Variants in WDFY4 observed in about 807,000 individuals in gnomAD.
The protein encoded by WDFY4 is WDFY family member 4, also known as WD repeat- and FYVE domain-containing protein 4.
WDFY4 carries 169 observed loss-of-function variants against 351.9 expected under a neutral mutation model. The observed-to-expected ratio is 0.48, with a 90% CI of 0.42 to 0.55. The LOEUF (loss-of-function observed/expected upper bound fraction) is 0.55, where lower values mean the gene tolerates loss of function less well. WDFY4 is among the 20% of genes least tolerant of loss of function. The pLI is 0.00. For synonymous variants in WDFY4, 1,622 were observed against 1,574.6 expected (o/e 1.03, Z -0.71); for missense variants, 3,803 against 3,935.6 (o/e 0.97, Z 0.90).
intron 39 of WDFY4, among the ~76,000 whole-genome samples, chr10:48,848,434 C>A (rs2068850178): frequency 6.6e-6 from 1 of 152,224 alleles, no homozygotes; most frequent in Non-Finnish European, 1.5e-5. Context: ...TAGTAAAAGA[C>A]TGCATTGCAG....
chr10:48,831,147 T>C (rs1458067164), intron 38 of WDFY4, among the ~76,000 whole-genome samples: 3 of 152,206 alleles, frequency 2.0e-5, no homozygotes, highest in African/African-American at 7.2e-5. Flanking sequence ...AAGAGGCCCA[T>C]GTGGAGGCTG....
chr10:48,951,825 C>T (rs533910847), intron 51 of WDFY4, among the ~76,000 whole-genome samples: 48 of 152,150 alleles, frequency 3.2e-4, no homozygotes, highest in Non-Finnish European at 6.0e-4. Context: ...ACCAGTTGCT[C>T]TCAGGCCTGA....
intron 24 of WDFY4, among the ~76,000 whole-genome samples, chr10:48,799,886 T>C (rs558701812): frequency 1.4e-4 from 21 of 152,274 alleles, no homozygotes; most frequent in African/African-American, 4.6e-4. Context: ...TTTTGGGTTT[T>C]TGTTTTTTGT....
At chr10:48,893,775 C>T (rs529993937) in intron 44 of WDFY4, among the ~76,000 whole-genome samples, 1 of 152,324 alleles carries the variant, frequency 6.6e-6, no homozygotes, top group South Asian at 2.1e-4. Flanking sequence ...CTTCTACTAT[C>T]AAAGAACAGG....
At chr10:48,816,153 T>C (rs1020063684) in intron 31 of WDFY4, among the ~76,000 whole-genome samples, 1 of 152,186 alleles carries the variant, frequency 6.6e-6, no homozygotes, top group African/African-American at 2.4e-5. Context: ...GCACAAATGG[T>C]CTCCTTTAAC....
At chr10:48,752,836 A>T (rs768243006) in intron 12 of WDFY4, among the ~76,000 whole-genome samples, 1 of 152,236 alleles carries the variant, frequency 6.6e-6, no homozygotes, top group Non-Finnish European at 1.5e-5. Context: ...GCTGCTATGA[A>T]CATTCATGTT....
chr10:48,734,885 C>T (rs2064599318), intron 10 of WDFY4, among the ~76,000 whole-genome samples: 1 of 151,662 alleles, frequency 6.6e-6, no homozygotes, highest in Admixed American at 6.6e-5. Flanking sequence ...AGGCAATTTA[C>T]CTGCCTCAAC....
intron 24 of WDFY4, among the ~76,000 whole-genome samples, chr10:48,800,087 T>C (rs976139032): frequency 1.3e-5 from 2 of 152,138 alleles, no homozygotes; most frequent in African/African-American, 2.4e-5. Flanking sequence ...GGTTTCACCA[T>C]GTTGGTCAGG....
chr10:48,792,734 C>T (rs1017226591), intron 23 of WDFY4, among the ~76,000 whole-genome samples: 4 of 152,226 alleles, frequency 2.6e-5, no homozygotes, highest in South Asian at 2.1e-4. Flanking sequence ...AAAATGCAAT[C>T]GGTGTCCAAG....
intron 45 of WDFY4, 93 bp from the exon 46 acceptor site, chr10:48,900,128 A>C: frequency 9.3e-7 from 1 of 1,072,504 alleles, no homozygotes; most frequent in Non-Finnish European, 1.3e-6. Context: ...TGACACGGAG[A>C]CCCGCAATGA....
In WDFY4 at chr10:48,696,444, G is replaced by T. The variant is rs1047999351; in HGVS notation, c.-18+11443G>T. On this transcript the variant is annotated intron_variant, in intron 1 of 61. Transcript: ENST00000325239. ...GGTCTTGGAGGCAGCCCTCCTGCTC[G>T]TGTCTCCACATTGTGTCCTCGCCAG... 2.0e-5 allele frequency among the ~76,000 whole-genome samples: 3 copies of T among 152,350 alleles called. 1 individual carries two copies. In the South Asian group the frequency reaches 6.2e-4, roughly 32 times the overall value.
chr10:48,840,545 A>C (rs1358263049), intron 39 of WDFY4, among the ~76,000 whole-genome samples: 1 of 152,094 alleles, frequency 6.6e-6, no homozygotes, highest in Non-Finnish European at 1.5e-5. Context: ...ACACATAGAC[A>C]CATCCCATTG....
intron 39 of WDFY4, among the ~76,000 whole-genome samples, chr10:48,842,747 T>C (rs2068651499): frequency 6.6e-6 from 1 of 152,224 alleles, no homozygotes; most frequent in Non-Finnish European, 1.5e-5. Context: ...AAGTGCAAAG[T>C]CCACACACTT....
At chr10:48,804,132 CAGGGGCT>C (rs1167492868) in intron 25 of WDFY4, among the ~76,000 whole-genome samples, 4 of 152,186 alleles carry the variant, frequency 2.6e-5, no homozygotes, top group African/African-American at 9.7e-5. Flanking sequence ...CAAAGGGAGC[CAGGGGCT>C]GTGTTCAGAA....
intron 4 of WDFY4, among the ~76,000 whole-genome samples, chr10:48,723,001 G>A (rs933911553): frequency 2.0e-5 from 3 of 152,062 alleles, no homozygotes; most frequent in African/African-American, 7.2e-5. Context: ...CACCATTGTT[G>A]CTCACACACA....
intron 23 of WDFY4, among the ~76,000 whole-genome samples, chr10:48,794,021 G>T (rs1422379103): frequency 1.3e-5 from 2 of 152,122 alleles, no homozygotes; most frequent in Non-Finnish European, 2.9e-5. Context: ...CCAGGAGCTG[G>T]TCTGGGTTCC....
intron 21 of WDFY4, among the ~76,000 whole-genome samples, chr10:48,788,984 T>C (rs765369794): frequency 1.3e-5 from 2 of 152,256 alleles, no homozygotes; most frequent in Non-Finnish European, 2.9e-5. Flanking sequence ...GTCCTGGGTA[T>C]TAATGACCCA....
chr10:48,816,477 T>C (rs2067624256), intron 31 of WDFY4, among the ~76,000 whole-genome samples: 1 of 152,238 alleles, frequency 6.6e-6, no homozygotes, highest in Admixed American at 6.5e-5. Context: ...CTATTTCTAG[T>C]TATGTTTTGG....
chr10:48,838,405 C>T (rs1003193179), intron 39 of WDFY4, among the ~76,000 whole-genome samples: 1 of 152,158 alleles, frequency 6.6e-6, no homozygotes, highest in Non-Finnish European at 1.5e-5. Context: ...TGCCGTCACC[C>T]ACCCTAGCAT....
Sources: allele counts gnomAD v4.1 joint callset (sites outside exome capture counted in the v4.1 genomes callset), GRCh38; gene constraint gnomAD v4.1.1; transcripts MANE v1.5; gene names NCBI Gene and HGNC (gene_info 2026-07-23, HGNC 2026-07-21).